SPSB4: variants seen among roughly 807,000 people sequenced by gnomAD.
The protein encoded by SPSB4 is splA/ryanodine receptor domain and SOCS box containing 4, also known as SPRY domain-containing SOCS box protein 4.
A neutral mutation model predicts 20.9 loss-of-function variants in SPSB4; 21 were observed. The ratio of observed to expected loss-of-function variants is 1.01; its 90% CI spans 0.71 to 1.45. The LOEUF (loss-of-function observed/expected upper bound fraction) is 1.45, where lower values mean the gene tolerates loss of function less well. Ranked by LOEUF, SPSB4 falls within the 40% of genes most tolerant of loss-of-function variation. The probability of loss-of-function intolerance (pLI) is 0.00; values close to 1 mark genes in which losing one functional copy is unlikely to be tolerated. For synonymous variants in SPSB4, 207 were observed against 183.8 expected, an observed-to-expected ratio of 1.13 and a Z score of -1.02; for missense variants, 399 against 399.2, an observed-to-expected ratio of 1.00 and a Z score of 0.00.
intron 1 of SPSB4, among the ~76,000 whole-genome samples, chr3:141,060,089 C>A (rs1325566032): frequency 6.6e-6 from 1 of 152,164 alleles, no homozygotes; most frequent in East Asian, 1.9e-4. Context: ...ATTTACTTGC[C>A]CACCTTGTCA....
Position 141,066,657 on chromosome 3 carries a change from G to A in SPSB4, c.553G>A (p.Glu185Lys), listed in dbSNP as rs748900975. 2 of 1,613,030 alleles carry A rather than the reference G, an allele frequency of 1.2e-6. No homozygotes were observed. Among genetic ancestry groups the A allele is most frequent in the Non-Finnish European group, 8.5e-7 (1 of 1,179,744 alleles). ...DSLLVVLDMDEGTLSFIVDGQ... is the reference protein window; with the variant it reads ...DSLLVVLDMDKGTLSFIVDGQ... Reference sequence around the variant, plus strand: ...GCTGCTCGTGGTGCTGGACATGGATGAGGGCACACTCAGCTTCATCGTGGA... The same window carrying A: ...GCTGCTCGTGGTGCTGGACATGGATAAGGGCACACTCAGCTTCATCGTGGA... Residue 185 changes from glutamate (E) to lysine (K), a missense_variant, in exon 2 of 3, where the codon GAG becomes AAG. Physicochemically the swap from Glu to Lys is moderately conservative, Grantham distance 56. Coordinates refer to ENST00000310546, the MANE Select transcript of SPSB4 (RefSeq NM_080862.3).
chr3:141,077,233 C>T (rs185931818), intron 2 of SPSB4: 10 of 152,330 alleles, frequency 6.6e-5, no homozygotes, highest in African/African-American at 1.9e-4. Context: ...GAAATTAAGC[C>T]GAGACAGCGT....
chr3:141,066,399 G>C lies in SPSB4; in HGVS notation c.295G>C (p.Ala99Pro). 6.5e-7 allele frequency: 1 copy of C among 1,536,998 alleles called. No individual in the cohort carries two copies. Among genetic ancestry groups the C allele is most frequent in the Admixed American group, 2.0e-5 (1 of 49,338 alleles). The change falls in exon 2 of 3, where the codon GCC (alanine) becomes CCC (proline). Residue 99 changes from alanine to proline, a missense_variant. Coordinates refer to ENST00000310546, the MANE Select transcript of SPSB4 (RefSeq NM_080862.3). Reference sequence around the variant, plus strand: ...GGTGGGCCACGCCCGCGGCCTGCACGCCTGGCAGATCAACTGGCCGGCTCG... The same window carrying C: ...GGTGGGCCACGCCCGCGGCCTGCACCCCTGGCAGATCAACTGGCCGGCTCG... ...GKVGHARGLHAWQINWPARQR... is the reference protein window; with the variant it reads ...GKVGHARGLHPWQINWPARQR...
At chr3:141,127,775 C>T (rs571633858) in intron 2 of SPSB4, among the ~76,000 whole-genome samples, 1 of 152,324 alleles carries the variant, frequency 6.6e-6, no homozygotes, top group African/African-American at 2.4e-5. Context: ...CTGAGACTTG[C>T]CAGGCACCCA....
rs1263818727 is a variant in SPSB4 at position 141,130,070 on chromosome 3, G to T, written c.695-17072G>T. Among the ~76,000 whole-genome samples the T allele has an allele frequency of 2.0e-5, 3 of 152,186 alleles. No individual in the cohort carries two copies. In the East Asian group the frequency reaches 5.8e-4, roughly 29 times the overall value. ...CAAATTCCAAATGCTTCCTAGATGG[G>T]AGCTGAGGTCTCTGTTGGCCATGAC... is the stretch of plus-strand genomic sequence containing the variant. On this transcript the variant is annotated intron_variant, in intron 2 of 2. Transcript: ENST00000310546.
At chr3:141,067,970 TC>T (rs1314784891) in intron 2 of SPSB4, among the ~76,000 whole-genome samples, 14 of 152,206 alleles carry the variant, frequency 9.2e-5, no homozygotes, top group Non-Finnish European at 1.9e-4. Flanking sequence ...GAATCAGGGT[TC>T]CCCCCAGTTC....
chr3:141,090,447 C>T (rs1235112690), intron 2 of SPSB4, among the ~76,000 whole-genome samples: 1 of 152,058 alleles, frequency 6.6e-6, no homozygotes, highest in Non-Finnish European at 1.5e-5. Context: ...GAGGCTGGGG[C>T]TTGCAATTTT....
chr3:141,088,268 G>A (rs1369965216), intron 2 of SPSB4, among the ~76,000 whole-genome samples: 1 of 152,196 alleles, frequency 6.6e-6, no homozygotes, highest in Non-Finnish European at 1.5e-5. Context: ...TAAATGTACT[G>A]CGTACATCCA....
Position 141,147,517 on chromosome 3 carries a change from G to A in SPSB4, c.*248G>A. 1 of 512,224 alleles carries A rather than the reference G, an allele frequency of 2.0e-6. No homozygotes were observed. The highest frequency in any genetic ancestry group is 1.9e-5 in the African/African-American group (1 of 52,712). The allele number at this position is 512,224 out of a possible 1,614,324, so 31.7% of individuals were successfully genotyped here. ...CTCCTTCGGAGCCACAGAGAGCCTG[G>A]AGTCTGCACCTCCTGGAAATCCTGC... On this transcript the variant is annotated 3_prime_UTR_variant, in exon 3 of 3. Transcript: ENST00000310546.
At chr3:141,076,682 G>C (rs1035367555) in intron 2 of SPSB4, among the ~76,000 whole-genome samples, 41 of 152,308 alleles carry the variant, frequency 2.7e-4, no homozygotes, top group African/African-American at 7.5e-4. Context: ...CCGAACTTGA[G>C]TCCAGGCCTA....
chr3:141,118,263 CA>C (rs1190918519), intron 2 of SPSB4, among the ~76,000 whole-genome samples: 1 of 152,200 alleles, frequency 6.6e-6, no homozygotes, highest in Non-Finnish European at 1.5e-5. Flanking sequence ...AGCATTTTTT[CA>C]TATGTCTGTT....
chr3:141,066,327 T>G lies in SPSB4; in HGVS notation c.223T>G (p.Phe75Val). 2 of 1,570,392 alleles carry G rather than the reference T, an allele frequency of 1.3e-6. No individual in the cohort carries two copies. Among genetic ancestry groups the G allele is most frequent in the Non-Finnish European group, 8.6e-7 (1 of 1,159,774 alleles). ...VFVKDDDRLT[F>V]HRHPVAQSTD... ...CGTCAAGGACGACGACCGGCTCACC[T>G]TCCACCGGCACCCCGTGGCCCAGAG... is the stretch of plus-strand genomic sequence containing the variant. Residue 75 changes from phenylalanine (F) to valine (V), a missense_variant, in exon 2 of 3, where the codon TTC (phenylalanine) becomes GTC (valine). Transcript: ENST00000310546.
intron 2 of SPSB4, among the ~76,000 whole-genome samples, chr3:141,146,939 C>T (rs1290430136): frequency 6.6e-6 from 1 of 152,156 alleles, no homozygotes; most frequent in African/African-American, 2.4e-5. Context: ...ACTCTTTAGT[C>T]TCACTGGTTG....
intron 2 of SPSB4, among the ~76,000 whole-genome samples, chr3:141,093,953 T>G (rs1413135913): frequency 6.6e-6 from 1 of 152,038 alleles, no homozygotes; most frequent in Non-Finnish European, 1.5e-5. Context: ...TTTCCACCTC[T>G]GGGAAGTGGA....
Position 141,084,301 on chromosome 3 carries a change from G to A in SPSB4, c.694+17503G>A, listed in dbSNP as rs144512097. 6.1e-4 allele frequency among the ~76,000 whole-genome samples: 93 copies of A among 152,064 alleles called. 3 individuals are homozygous for A. Among genetic ancestry groups the A allele is most frequent in the Admixed American group, 3.6e-3 (55 of 15,282 alleles). ...TCAGCCTCTGAAGGGGCCTCTAACCGTCCCTTCCCTCCACCTCCCCCACAC... is the reference window on the plus strand; with the variant it reads ...TCAGCCTCTGAAGGGGCCTCTAACCATCCCTTCCCTCCACCTCCCCCACAC... On this transcript the variant is annotated intron_variant, in intron 2 of 2. Transcript: ENST00000310546.
intron 2 of SPSB4, among the ~76,000 whole-genome samples, chr3:141,127,235 G>A (rs1030898951): frequency 2.0e-5 from 3 of 152,256 alleles, no homozygotes; most frequent in Non-Finnish European, 4.4e-5. Context: ...CTGCTGAACT[G>A]TTGGCCAGGA....
intron 2 of SPSB4, among the ~76,000 whole-genome samples, chr3:141,139,562 C>T (rs916504916): frequency 6.6e-6 from 1 of 152,178 alleles, no homozygotes; most frequent in Non-Finnish European, 1.5e-5. Context: ...ATTTGCTTGT[C>T]TGTGAAGTAT....
rs547824127 is a variant in SPSB4, at chr3:141,072,920, T to C, written c.694+6122T>C. Among the ~76,000 whole-genome samples the C allele has an allele frequency of 2.0e-5, 3 of 152,352 alleles. 1 individual carries two copies. In the South Asian group the frequency reaches 6.2e-4, roughly 32 times the overall value. ...ACTGAAAACATTCCCCTGTATCTTG[T>C]TTTCTCCCTTCAATGGACCTTGGCA... is the stretch of plus-strand genomic sequence containing the variant. On this transcript the variant is annotated intron_variant, in intron 2 of 2. Transcript: ENST00000310546.
At chr3:141,132,193 A>C (rs1469721178) in intron 2 of SPSB4, 6 of 421,142 alleles carry the variant, frequency 1.4e-5, no homozygotes, top group Admixed American at 5.3e-5. Flanking sequence ...TTTGAGATGG[A>C]GTCTCACTCG....
Sources: gnomAD v4.1 joint callset for allele counts (sites outside exome capture counted in the v4.1 genomes callset) on GRCh38, gnomAD v4.1.1 for gene constraint, MANE v1.5 for transcripts, NCBI Gene and HGNC (gene_info 2026-07-23, HGNC 2026-07-21) for gene names.